MFAP1: variants seen among roughly 807,000 people sequenced by gnomAD.
MFAP1 encodes the protein microfibril associated protein 1.
A neutral mutation model predicts 62.2 loss-of-function variants in MFAP1; 18 were observed. The observed-to-expected ratio is 0.29, with a 90% CI of 0.20 to 0.43. The LOEUF is 0.43. Ranked by LOEUF, MFAP1 falls within the 20% of genes least tolerant of loss-of-function variation. The probability of loss-of-function intolerance (pLI) is 1.00; values close to 1 mark genes in which losing one functional copy is unlikely to be tolerated. For synonymous variants in MFAP1, 175 were observed against 180.4 expected (o/e 0.97, Z 0.24); for missense variants, 355 against 559.7 (o/e 0.63, Z 3.69).
At chr15:43,823,734 G>C (rs1200107946) in intron 1 of MFAP1, among the ~76,000 whole-genome samples, 1 of 152,048 alleles carries the variant, frequency 6.6e-6, no homozygotes, top group African/African-American at 2.4e-5. Flanking sequence ...AATAAAGTGT[G>C]GATTACAGTT....
intron 1 of MFAP1, among the ~76,000 whole-genome samples, chr15:43,823,656 C>CA (rs1463954052): frequency 1.3e-5 from 2 of 152,156 alleles, no homozygotes; most frequent in Non-Finnish European, 2.9e-5. Context: ...GGTTTATGGG[C>CA]ATAAGACACC....
At chr15:43,819,843 T>C (rs921715187) in intron 1 of MFAP1, among the ~76,000 whole-genome samples, 11 of 152,206 alleles carry the variant, frequency 7.2e-5, no homozygotes, top group African/African-American at 2.7e-4. Flanking sequence ...AGAAGCATTC[T>C]CTTTAAAAAT....
chr15:43,805,911 C>T (rs1023764208), intron 7 of MFAP1, among the ~76,000 whole-genome samples: 5 of 151,440 alleles, frequency 3.3e-5, no homozygotes, highest in African/African-American at 7.3e-5. Context: ...TGCGCCCGGC[C>T]GAGATGATAT....
intron 2 of MFAP1, among the ~76,000 whole-genome samples, chr15:43,816,897 T>A (rs1007553342): frequency 6.6e-6 from 1 of 152,228 alleles, no homozygotes; most frequent in African/African-American, 2.4e-5. Context: ...AACATCTTTG[T>A]GCTAAAAAGA....
At position 43,824,481 on chromosome 15, in the gene MFAP1, A is replaced by G. The variant is rs755455435; in HGVS notation, c.79+10T>C. On this transcript the variant is annotated intron_variant, in intron 1 of 8. Coordinates refer to ENST00000267812, the MANE Select transcript of MFAP1 (RefSeq NM_005926.3). The stretch of plus-strand genomic sequence containing the variant: ...AAAATTCGACTGGGAAGAGGGTGTT[A>G]GCACCGTACCTTTCTCATTGCGAAC... The G allele has an allele frequency of 1.1e-5, 18 of 1,614,048 alleles. No homozygotes were observed. The highest frequency in any genetic ancestry group is 3.3e-5 in the Admixed American group (2 of 59,990).
intron 1 of MFAP1, 119 bp downstream of exon 1, chr15:43,824,372 T>C: frequency 1.0e-6 from 1 of 967,086 alleles, no homozygotes; most frequent in Non-Finnish European, 1.6e-6. Flanking sequence ...GATCGAAGAA[T>C]CTGGCAGCCA....
chr15:43,812,157 T>A (rs1433968918), intron 6 of MFAP1, among the ~76,000 whole-genome samples: 1 of 150,492 alleles, frequency 6.6e-6, no homozygotes, highest in Non-Finnish European at 1.5e-5. Flanking sequence ...GACACTTCAC[T>A]GCAGCCTGGG....
intron 2 of MFAP1, among the ~76,000 whole-genome samples, chr15:43,815,907 T>G (rs1391380563): frequency 1.3e-5 from 2 of 152,222 alleles, no homozygotes; most frequent in East Asian, 3.8e-4. Flanking sequence ...GTGCTGGGAT[T>G]ACAGGCATGA....
chr15:43,813,449 C>G (rs568608495), intron 4 of MFAP1, 92 bp from the exon 5 acceptor site: 9 of 1,192,510 alleles, frequency 7.5e-6, no homozygotes, highest in South Asian at 3.2e-5. Context: ...CAGACAAAAA[C>G]CAAACAATCT....
chr15:43,813,022 T>C lies in MFAP1; in HGVS notation c.852A>G (p.Leu284=), dbSNP rs781615281. 4.3e-6 allele frequency: 7 copies of C among 1,614,216 alleles called. No individual in the cohort carries two copies. Among genetic ancestry groups the C allele is most frequent in the Non-Finnish European group, 4.2e-6 (5 of 1,180,042 alleles). ...EEYEAWKVRE[L]KRIKRDREDR... is the part of the protein sequence containing the mutation. The stretch of plus-strand genomic sequence containing the variant: ...CTTCTCTGTCCCTCTTGATTCTTTT[T>C]AGCTCTCGAACTTTCCATGCCTCAT... Residue 284 remains leucine, a synonymous_variant, in exon 6 of 9, where the codon CTA becomes CTG. Transcript: ENST00000267812.
Position 43,824,520 on chromosome 15 carries a change from G to A in MFAP1, c.50C>T (p.Ala17Val). 1 of 1,614,174 alleles carries A rather than the reference G, an allele frequency of 6.2e-7. No homozygotes were observed. The highest frequency in any genetic ancestry group is 8.5e-7 in the Non-Finnish European group (1 of 1,180,032). The stretch of plus-strand genomic sequence containing the variant: ...CTCATTGCGAACTGGGACGGCCCCA[G>A]CCGTAGACTGAATGGGCGGTTGCTT... ...LMKQPPIQSTAGAVPVRNEKG... is the reference protein window; with the variant it reads ...LMKQPPIQSTVGAVPVRNEKG... Residue 17 changes from alanine (A) to valine (V), a missense_variant, in exon 1 of 9, where the codon GCT becomes GTT. Physicochemically the swap from Ala to Val is moderately conservative, Grantham distance 64. Coordinates refer to ENST00000267812, the MANE Select transcript of MFAP1 (RefSeq NM_005926.3).
At position 43,805,613 on chromosome 15, in the gene MFAP1, ATTCT is replaced by A. The variant is rs369475133; in HGVS notation, c.1048-152_1048-149del. ...GCTTACATCTAGTTGAAGAGATGAC[ATTCT>A]TTTTTTTTTTTCTGAGACGGACTCT... On this transcript the variant is annotated intron_variant, in intron 7 of 8. Coordinates refer to ENST00000267812, the MANE Select transcript of MFAP1 (RefSeq NM_005926.3). 2,496 of 631,650 alleles carry A rather than the reference ATTCT, an allele frequency of 4.0e-3. 47 individuals carry two copies. In the African/African-American group the frequency reaches 0.043, roughly 11 times the overall value. The allele number at this position is 631,650 out of a possible 1,614,324, so 39.1% of individuals were successfully genotyped here.
At chr15:43,815,193 T>C in intron 2 of MFAP1, 119 bp from the exon 3 acceptor site, 1 of 1,348,432 alleles carries the variant, frequency 7.4e-7, no homozygotes, top group Non-Finnish European at 1.0e-6. Flanking sequence ...AGTTTTTTTT[T>C]TTTTGAGGCA....
chr15:43,806,684 C>T (rs2087367976), intron 7 of MFAP1, among the ~76,000 whole-genome samples: 1 of 151,834 alleles, frequency 6.6e-6, no homozygotes, highest in East Asian at 2.0e-4. Context: ...ACCCACCTGA[C>T]CAACATGGTG....
intron 6 of MFAP1, among the ~76,000 whole-genome samples, chr15:43,812,188 CAA>C (rs200328815): frequency 4.4e-4 from 40 of 90,126 alleles, no homozygotes; most frequent in South Asian, 1.0e-3. Context: ...AACTTCATGT[CAA>C]AAAAAAAAAA....
chr15:43,819,037 C>T (rs1453572096), intron 1 of MFAP1, among the ~76,000 whole-genome samples: 2 of 152,232 alleles, frequency 1.3e-5, no homozygotes, highest in African/African-American at 4.8e-5. Context: ...ACTAAAAATA[C>T]AAAAATTAGC....
At position 43,804,521 on chromosome 15, in the gene MFAP1, T is replaced by C; in HGVS notation, c.*573A>G. ...TGACAATTGTTATCTTTTACTTTAA[T>C]AGGCAATTAATACTTGTCAGCTTGG... On this transcript the variant is annotated 3_prime_UTR_variant, in exon 9 of 9. Coordinates refer to ENST00000267812, the MANE Select transcript of MFAP1 (RefSeq NM_005926.3). The C allele has an allele frequency of 6.6e-6, 1 of 152,364 alleles. No individual in the cohort carries two copies. The highest frequency in any genetic ancestry group is 3.4e-3 in the Middle Eastern group (1 of 294). The allele number at this position is 152,364 out of a possible 1,614,324, so 9.4% of individuals were successfully genotyped here.
At chr15:43,808,816 C>T (rs971010997) in intron 7 of MFAP1, among the ~76,000 whole-genome samples, 22 of 152,206 alleles carry the variant, frequency 1.4e-4, no homozygotes, top group Middle Eastern at 3.2e-3. Flanking sequence ...ATTTGCCACA[C>T]GGCACTTGAA....
chr15:43,814,885 G>T (rs1198514701), intron 3 of MFAP1, 60 bp downstream of exon 3: 3 of 1,599,370 alleles, frequency 1.9e-6, no homozygotes, highest in Non-Finnish European at 2.6e-6. Flanking sequence ...CAACAAATGA[G>T]CACTGGCATG....
Sources: gnomAD v4.1 joint callset for allele counts (sites outside exome capture counted in the v4.1 genomes callset) on GRCh38, gnomAD v4.1.1 for gene constraint, MANE v1.5 for transcripts, NCBI Gene and HGNC (gene_info 2026-07-23, HGNC 2026-07-21) for gene names.